The following DENND1A variants were observed in gnomAD, a reference collection of about 807,000 sequenced individuals.
DENND1A encodes DENN domain-containing protein 1A.
DENND1A carries 51 observed loss-of-function variants against 113.7 expected under a neutral mutation model. The observed-to-expected ratio is 0.45, with a 90% CI of 0.36 to 0.57. The LOEUF is 0.57. Among genes scored for constraint, DENND1A ranks in the 20% least tolerant of loss-of-function variants. The pLI, the probability that DENND1A is intolerant of heterozygous loss-of-function variation, is 0.00. For missense variants in DENND1A, 1,258 were observed against 1,395.9 expected (o/e 0.90, Z 1.57); for synonymous variants, 565 against 570.8 (o/e 0.99, Z 0.14).
chr9:123,693,082 T>C (rs184030718), intron 5 of DENND1A, among the ~76,000 whole-genome samples: 1 of 152,314 alleles, frequency 6.6e-6, no homozygotes, highest in Admixed American at 6.5e-5. Context: ...TTAATTTATA[T>C]CAAATAAACT....
chr9:123,725,386 G>A (rs2141225733), intron 5 of DENND1A, among the ~76,000 whole-genome samples: 1 of 152,344 alleles, frequency 6.6e-6, no homozygotes, highest in East Asian at 1.9e-4. Flanking sequence ...TGTCCCGCAT[G>A]CAAAGGCAGC....
intron 4 of DENND1A, among the ~76,000 whole-genome samples, chr9:123,768,775 G>T (rs1186462951): frequency 6.9e-6 from 1 of 144,174 alleles, no homozygotes. Flanking sequence ...TATTAATATA[G>T]TTAATACATT....
At chr9:123,706,892 G>A (rs1460314055) in intron 5 of DENND1A, among the ~76,000 whole-genome samples, 1 of 151,572 alleles carries the variant, frequency 6.6e-6, no homozygotes, top group Admixed American at 6.6e-5. Flanking sequence ...GGAAGACTAA[G>A]AATAGAGTTG....
chr9:123,505,394 C>T (rs1386763942), intron 13 of DENND1A, among the ~76,000 whole-genome samples: 3 of 152,056 alleles, frequency 2.0e-5, no homozygotes, highest in Admixed American at 6.6e-5. Flanking sequence ...CAATGGATTG[C>T]GAAGTGGGAT....
intron 13 of DENND1A, among the ~76,000 whole-genome samples, chr9:123,550,776 G>T (rs1459313364): frequency 6.6e-6 from 1 of 152,202 alleles, no homozygotes; most frequent in East Asian, 1.9e-4. Flanking sequence ...CTCTAGGAAG[G>T]AGGAATATTC....
At chr9:123,576,987 T>C (rs1470896458) in intron 12 of DENND1A, among the ~76,000 whole-genome samples, 1 of 152,148 alleles carries the variant, frequency 6.6e-6, no homozygotes, top group Non-Finnish European at 1.5e-5. Context: ...GTTTCAGGTT[T>C]ATTGAGCTTC....
chr9:123,534,827 C>T (rs1476394995), intron 13 of DENND1A, among the ~76,000 whole-genome samples: 2 of 152,220 alleles, frequency 1.3e-5, no homozygotes, highest in South Asian at 2.1e-4. Flanking sequence ...TATAGAAATA[C>T]TTTACATGAT....
chr9:123,731,227 C>T, intron 5 of DENND1A, among the ~76,000 whole-genome samples: 1 of 152,064 alleles, frequency 6.6e-6, no homozygotes, highest in East Asian at 1.9e-4. Flanking sequence ...GCACGTTCTG[C>T]ACATGTATCC....
intron 10 of DENND1A, among the ~76,000 whole-genome samples, chr9:123,618,665 G>A (rs1290988055): frequency 1.3e-5 from 2 of 152,200 alleles, no homozygotes; most frequent in Non-Finnish European, 2.9e-5. Context: ...AGGGTGGGTG[G>A]CTGAGCCAAC....
At chr9:123,724,800 C>A (rs898049706) in intron 5 of DENND1A, among the ~76,000 whole-genome samples, 1 of 152,156 alleles carries the variant, frequency 6.6e-6, no homozygotes, top group African/African-American at 2.4e-5. Context: ...AATTCTCAAA[C>A]GATTCAAGCT....
chr9:123,879,099 C>T (rs1389658549), intron 1 of DENND1A, 78 bp from the exon 2 acceptor site: 2 of 1,416,132 alleles, frequency 1.4e-6, no homozygotes, highest in African/African-American at 2.8e-5. Flanking sequence ...TGGTATTAAA[C>T]AGATCTTCCT....
intron 5 of DENND1A, among the ~76,000 whole-genome samples, chr9:123,695,954 A>G (rs1476645621): frequency 2.0e-5 from 3 of 148,036 alleles, no homozygotes; most frequent in African/African-American, 7.6e-5. Context: ...TTTTATGAAC[A>G]ATTTTCTTCT....
chr9:123,453,133 C>A (rs1040832754), intron 16 of DENND1A, among the ~76,000 whole-genome samples: 1 of 152,182 alleles, frequency 6.6e-6, no homozygotes, highest in Non-Finnish European at 1.5e-5. Flanking sequence ...GCAGACACGT[C>A]GTGAGGGTTC....
At chr9:123,640,439 G>T (rs1293151507) in intron 9 of DENND1A, among the ~76,000 whole-genome samples, 1 of 152,222 alleles carries the variant, frequency 6.6e-6, no homozygotes, top group Admixed American at 6.5e-5. Context: ...GGACTTGAAT[G>T]AGAAATGACC....
chr9:123,735,871 C>T (rs2068524398), intron 5 of DENND1A, among the ~76,000 whole-genome samples: 1 of 152,056 alleles, frequency 6.6e-6, no homozygotes, highest in Non-Finnish European at 1.5e-5. Flanking sequence ...TGATGGTGTA[C>T]ACCTGTAGTC....
rs1409769599 is a variant in DENND1A, at chr9:123,835,741, G to A, written c.89-43111C>T. Among the ~76,000 whole-genome samples the A allele has an allele frequency of 2.0e-5, 3 of 151,058 alleles. 1 individual carries two copies. Among genetic ancestry groups the A allele is most frequent in the South Asian group, 4.2e-4 (2 of 4,782 alleles). On this transcript the variant is annotated intron_variant, in intron 2 of 23. Coordinates refer to ENST00000394215, the MANE Select transcript of DENND1A (RefSeq NM_001352964.2). ...AACACACTCCTCCACCACACACTTCGTTCACTCCGATAGAAAAAAATTAGT... is the reference window on the plus strand; with the variant it reads ...AACACACTCCTCCACCACACACTTCATTCACTCCGATAGAAAAAAATTAGT...
chr9:123,401,316 G>A (rs2043442812), intron 21 of DENND1A: 1 of 199,480 alleles, frequency 5.0e-6, no homozygotes, highest in South Asian at 1.6e-4. Flanking sequence ...GTTGTGACAT[G>A]GCATTTGGAA....
At chr9:123,702,733 G>C (rs2065954135) in intron 5 of DENND1A, among the ~76,000 whole-genome samples, 1 of 151,562 alleles carries the variant, frequency 6.6e-6, no homozygotes, top group African/African-American at 2.4e-5. Flanking sequence ...AAATGAAGGA[G>C]AGAGAAAGAT....
intron 11 of DENND1A, among the ~76,000 whole-genome samples, chr9:123,592,284 A>T (rs2059493025): frequency 6.6e-6 from 1 of 152,150 alleles, no homozygotes; most frequent in Admixed American, 6.5e-5. Context: ...CTATTATTAT[A>T]CTCTCATGCT....
Sources: gnomAD v4.1 joint callset for allele counts (sites outside exome capture counted in the v4.1 genomes callset) on GRCh38, gnomAD v4.1.1 for gene constraint, MANE v1.5 for transcripts, NCBI Gene and HGNC (gene_info 2026-07-23, HGNC 2026-07-21) for gene names.